OR56A1: variants seen among roughly 807,000 people sequenced by gnomAD.
OR56A1 encodes the protein olfactory receptor family 56 subfamily A member 1.
For synonymous variants in OR56A1, 174 were observed against 159.1 expected (o/e 1.09, Z -0.70); for missense variants, 360 against 380.9 (o/e 0.94, Z 0.46).
chr11:6,027,711 A>G lies in OR56A1; in HGVS notation c.-19T>C, dbSNP rs1466112225. 6.5e-7 allele frequency: 1 copy of G among 1,542,808 alleles called. No homozygotes were observed. Among genetic ancestry groups the G allele is most frequent in the Admixed American group, 2.0e-5 (1 of 50,504 alleles). Reference sequence around the variant, plus strand: ...ACGCCATAGGCTGAATCATGAGCTGAGTAGGCTTCTGATGACTATGTTTAT... The same window carrying G: ...ACGCCATAGGCTGAATCATGAGCTGGGTAGGCTTCTGATGACTATGTTTAT... On this transcript the variant is annotated 5_prime_UTR_variant, in exon 2 of 2. Transcript: ENST00000641900.
rs1037753895 is a variant in OR56A1, at chr11:6,019,693, T to C, written c.*7055A>G. ...CCATAATTAAATTGCCTCCCAATTGTCTTTCCAATTTAAAAAGACAATATG... is the reference window on the plus strand; with the variant it reads ...CCATAATTAAATTGCCTCCCAATTGCCTTTCCAATTTAAAAAGACAATATG... On this transcript the variant is annotated 3_prime_UTR_variant, in exon 2 of 2. Transcript: ENST00000641900. 6.6e-6 allele frequency: 1 copy of C among 152,134 alleles called. No homozygotes were observed. The highest frequency in any genetic ancestry group is 1.5e-5 in the Non-Finnish European group (1 of 68,002). 9.4% of individuals were successfully genotyped at this position (152,134 alleles called of 1,614,324 possible). A position where few individuals can be genotyped will look rare whatever the true frequency, so the allele number is the denominator to read the frequency against.
In OR56A1 at chr11:6,026,703, T is replaced by G. The variant is rs771937730; in HGVS notation, c.*45A>C. 15 of 1,243,286 alleles carry G rather than the reference T, an allele frequency of 1.2e-5. No homozygotes were observed. The allele number at this position is 1,243,286 out of a possible 1,614,324, so 77.0% of individuals were successfully genotyped here. ...TCTCTACTTCGCTGCCTAGGTAAAATCACTGAAGAGGAAGAACAGGAGGTA... is the reference window on the plus strand; with the variant it reads ...TCTCTACTTCGCTGCCTAGGTAAAAGCACTGAAGAGGAAGAACAGGAGGTA... On this transcript the variant is annotated 3_prime_UTR_variant, in exon 2 of 2. Coordinates refer to ENST00000641900, the MANE Select transcript of OR56A1 (RefSeq NM_001388488.1).
rs2133600804 is a variant in OR56A1 at position 6,024,129 on chromosome 11, G to A, written c.*2619C>T. 2 of 152,298 alleles carry A rather than the reference G, an allele frequency of 1.3e-5. No homozygotes were observed. The highest frequency in any genetic ancestry group is 1.9e-4 in the East Asian group (1 of 5,186). 9.4% of individuals were successfully genotyped at this position (152,298 alleles called of 1,614,324 possible). A position where few individuals can be genotyped will look rare whatever the true frequency, so the allele number is the denominator to read the frequency against. On this transcript the variant is annotated 3_prime_UTR_variant, in exon 2 of 2. Coordinates refer to ENST00000641900, the MANE Select transcript of OR56A1 (RefSeq NM_001388488.1). ...ACTGGGGAACTAGAGATTAAAGATA[G>A]ACATGATTTTTCAACTCTTCTTTTA... is the stretch of plus-strand genomic sequence containing the variant.
upstream of OR56A1, among the ~76,000 whole-genome samples, chr11:6,031,356 C>T (rs1848510424): frequency 6.6e-6 from 1 of 152,048 alleles, no homozygotes; most frequent in Admixed American, 6.5e-5. Context: ...AAAAATATTT[C>T]CATTAGAAGA....
At position 6,027,537 on chromosome 11, in the gene OR56A1, G is replaced by A; in HGVS notation, c.156C>T (p.Ile52=). Residue 52 remains isoleucine (I), a synonymous_variant, in exon 2 of 2, where the codon ATC becomes ATT. Coordinates refer to ENST00000641900, the MANE Select transcript of OR56A1 (RefSeq NM_001388488.1). Reference sequence around the variant, plus strand: ...GCTGGTGCAGAGAGGCCTCCAGCTGGATGGTGATCAGGAGGGTGGTGTTAG... The same window carrying A: ...GCTGGTGCAGAGAGGCCTCCAGCTGAATGGTGATCAGGAGGGTGGTGTTAG... ...MGANTTLLIT[I]QLEASLHQPL... is the part of the protein sequence containing the mutation. 2.5e-6 allele frequency: 4 copies of A among 1,614,058 alleles called. No homozygotes were observed. Among genetic ancestry groups the A allele is most frequent in the Non-Finnish European group, 3.4e-6 (4 of 1,180,020 alleles).
rs945451686 is a variant in OR56A1, at chr11:6,020,993, G to A, written c.*5755C>T. 4 of 152,012 alleles carry A rather than the reference G, an allele frequency of 2.6e-5. No individual in the cohort carries two copies. Among genetic ancestry groups the A allele is most frequent in the African/African-American group, 7.2e-5 (3 of 41,414 alleles). 9.4% of individuals were successfully genotyped at this position (152,012 alleles called of 1,614,324 possible). ...GAAGACTCACAGAAATCCAGCCTGAGAAAAAGTTAGATGATGTGTATAGCA... is the reference window on the plus strand; with the variant it reads ...GAAGACTCACAGAAATCCAGCCTGAAAAAAAGTTAGATGATGTGTATAGCA... On this transcript the variant is annotated 3_prime_UTR_variant, in exon 2 of 2. Coordinates refer to ENST00000641900, the MANE Select transcript of OR56A1 (RefSeq NM_001388488.1).
In OR56A1 at chr11:6,027,008, G is replaced by T. The variant is rs749391985; in HGVS notation, c.685C>A (p.Leu229Ile). The change falls in exon 2 of 2, where the codon CTT becomes ATT. Residue 229 changes from leucine (L) to isoleucine (I), a missense_variant. Transcript: ENST00000641900. ...LSYTFILRAV[L>I]RFKAEGAAVK... Reference sequence around the variant, plus strand: ...GCCGCCCCCTCTGCTTTGAATCTAAGCACAGCTCTTAGAATGAAGGTGTAA... The same window carrying T: ...GCCGCCCCCTCTGCTTTGAATCTAATCACAGCTCTTAGAATGAAGGTGTAA... 2.5e-6 allele frequency: 4 copies of T among 1,613,990 alleles called. No homozygotes were observed. The African/African-American group carries it at 5.3e-5, about 22-fold the overall frequency.
At position 6,027,667 on chromosome 11, in the gene OR56A1, G is replaced by A; in HGVS notation, c.26C>T (p.Thr9Ile). The A allele has an allele frequency of 1.2e-6, 2 of 1,600,524 alleles. No individual in the cohort carries two copies. The highest frequency in any genetic ancestry group is 1.1e-5 in the South Asian group (1 of 87,662). MASPSNSSTVPVSEFLLIC... is the reference protein window; with the variant it reads MASPSNSSIVPVSEFLLIC... ...GAGGAGGAATTCAGAGACTGGGACA[G>A]TGGAGCTGTTGCTGGGTGACGCCAT... Residue 9 changes from threonine to isoleucine, a missense_variant, in exon 2 of 2, where the codon ACT (threonine) becomes ATT (isoleucine). By Grantham distance (89) the Thr-to-Ile change is moderately conservative. Coordinates refer to ENST00000641900, the MANE Select transcript of OR56A1 (RefSeq NM_001388488.1).
upstream of OR56A1, among the ~76,000 whole-genome samples, chr11:6,033,854 T>C (rs759896779): frequency 2.0e-5 from 3 of 152,226 alleles, no homozygotes; most frequent in African/African-American, 7.2e-5. Flanking sequence ...ACTGCTCTTC[T>C]GAGACAGAAT....
intron 1 of OR56A1, among the ~76,000 whole-genome samples, chr11:6,029,593 T>G (rs1397516626): frequency 6.6e-6 from 1 of 152,136 alleles, no homozygotes; most frequent in Non-Finnish European, 1.5e-5. Flanking sequence ...TAAATCTTGT[T>G]GAAACAGTTG....
chr11:6,029,251 G>A (rs996771113), intron 1 of OR56A1, among the ~76,000 whole-genome samples: 1 of 152,030 alleles, frequency 6.6e-6, no homozygotes, highest in Admixed American at 6.6e-5. Flanking sequence ...TCTATGCATG[G>A]AACAAAATTG....
At position 6,020,179 on chromosome 11, in the gene OR56A1, T is replaced by A. The variant is rs1265181969; in HGVS notation, c.*6569A>T. 6.6e-6 allele frequency: 1 copy of A among 152,166 alleles called. No individual in the cohort carries two copies. The highest frequency in any genetic ancestry group is 1.5e-5 in the Non-Finnish European group (1 of 67,998). 9.4% of individuals were successfully genotyped at this position (152,166 alleles called of 1,614,324 possible). ...CAAAAGCTAAGCAGAAAATACATTGTTTCCAATCAAATACCAGGATCTTAA... is the reference window on the plus strand; with the variant it reads ...CAAAAGCTAAGCAGAAAATACATTGATTCCAATCAAATACCAGGATCTTAA... On this transcript the variant is annotated 3_prime_UTR_variant, in exon 2 of 2. Coordinates refer to ENST00000641900, the MANE Select transcript of OR56A1 (RefSeq NM_001388488.1).
chr11:6,031,117 T>C (rs1848507686), upstream of OR56A1, among the ~76,000 whole-genome samples: 1 of 152,144 alleles, frequency 6.6e-6, no homozygotes, highest in Non-Finnish European at 1.5e-5. Flanking sequence ...ATTAAATCTG[T>C]GTAGTGTATT....
chr11:6,032,239 C>A (rs187930359), upstream of OR56A1, among the ~76,000 whole-genome samples: 1 of 151,862 alleles, frequency 6.6e-6, no homozygotes, highest in East Asian at 1.9e-4. Flanking sequence ...AAAAGCAAGG[C>A]GGAAATGAAA....
chr11:6,031,520 A>G (rs536682895), upstream of OR56A1, among the ~76,000 whole-genome samples: 36 of 152,276 alleles, frequency 2.4e-4, no homozygotes, highest in Admixed American at 2.4e-3. Flanking sequence ...AGGCTGAGGC[A>G]CTGAGGATGG....
At chr11:6,033,099 C>A (rs1436403124), upstream of OR56A1, among the ~76,000 whole-genome samples, 2 of 152,110 alleles carry the variant, frequency 1.3e-5, no homozygotes, top group Admixed American at 6.6e-5. Flanking sequence ...CCAGTCATCA[C>A]ACATTAGCCT....
Position 6,024,988 on chromosome 11 carries a change from C to T in OR56A1, c.*1760G>A, listed in dbSNP as rs1381032429. Reference sequence around the variant, plus strand: ...ACTGGAAGAAACTCTCCTCCTAGAGCCCACACCAGCATTGGGTTACAGTTA... The same window carrying T: ...ACTGGAAGAAACTCTCCTCCTAGAGTCCACACCAGCATTGGGTTACAGTTA... On this transcript the variant is annotated 3_prime_UTR_variant, in exon 2 of 2. Coordinates refer to ENST00000641900, the MANE Select transcript of OR56A1 (RefSeq NM_001388488.1). 1 of 152,212 alleles carries T rather than the reference C, an allele frequency of 6.6e-6. No individual in the cohort carries two copies. The highest frequency in any genetic ancestry group is 1.5e-5 in the Non-Finnish European group (1 of 68,030). The allele number at this position is 152,212 out of a possible 1,614,324, so 9.4% of individuals were successfully genotyped here.
rs1848429050 is a variant in OR56A1 at position 6,024,610 on chromosome 11, A to G, written c.*2138T>C. On this transcript the variant is annotated 3_prime_UTR_variant, in exon 2 of 2. Transcript: ENST00000641900. ...TAAAAACTCACTTTTATGATCACGT[A>G]TAGAAGGCTCTTATGAAAATTAAAT... The G allele has an allele frequency of 1.3e-5, 2 of 152,204 alleles. No individual in the cohort carries two copies. Among genetic ancestry groups the G allele is most frequent in the East Asian group, 1.9e-4 (1 of 5,200 alleles). The allele number at this position is 152,204 out of a possible 1,614,324, so 9.4% of individuals were successfully genotyped here.
At chr11:6,029,072 G>C (rs1848486774) in intron 1 of OR56A1, among the ~76,000 whole-genome samples, 1 of 152,176 alleles carries the variant, frequency 6.6e-6, no homozygotes, top group African/African-American at 2.4e-5. Flanking sequence ...TCATAAGTAT[G>C]TGTTCAAAAT....
Sources: allele counts gnomAD v4.1 joint callset (sites outside exome capture counted in the v4.1 genomes callset), GRCh38; gene constraint gnomAD v4.1.1; transcripts MANE v1.5; gene names NCBI Gene and HGNC (gene_info 2026-07-23, HGNC 2026-07-21).